The following ECT2 variants were observed in gnomAD, a reference collection of about 807,000 sequenced individuals.
The protein encoded by ECT2 is protein ECT2.
ECT2 carries 61 observed loss-of-function variants against 116.9 expected under a neutral mutation model. That is an observed-to-expected ratio of 0.52 (90% CI 0.42 to 0.65). The LOEUF is 0.65. Among genes scored for constraint, ECT2 ranks in the 30% least tolerant of loss-of-function variants. The pLI, the probability that ECT2 is intolerant of heterozygous loss-of-function variation, is 0.00. For missense variants in ECT2, 937 were observed against 1,078.7 expected (o/e 0.87, Z 1.84); for synonymous variants, 358 against 346.4 (o/e 1.03, Z -0.37).
chr3:172,758,929 G>T (rs1295720355), intron 5 of ECT2, 51 bp from the exon 6 acceptor site: 2 of 1,413,914 alleles, frequency 1.4e-6, no homozygotes. Flanking sequence ...AAGTTGTGTT[G>T]TATTTTCTAC....
intron 24 of ECT2, among the ~76,000 whole-genome samples, chr3:172,817,138 G>T (rs1178708915): frequency 1.3e-5 from 2 of 152,074 alleles, no homozygotes; most frequent in African/African-American, 4.8e-5. Flanking sequence ...GTGGCTAGTG[G>T]CTCCTGGAAG....
chr3:172,751,261 G>A (rs1479257086), intron 1 of ECT2: 1 of 152,252 alleles, frequency 6.6e-6, no homozygotes, highest in African/African-American at 2.4e-5. Context: ...TTCTTTGCGG[G>A]AAGTTTAATT....
At chr3:172,781,158 C>T (rs1303579722) in intron 14 of ECT2, among the ~76,000 whole-genome samples, 3 of 152,070 alleles carry the variant, frequency 2.0e-5, no homozygotes, top group African/African-American at 4.8e-5. Context: ...AATAATAGCT[C>T]ATTACATGGT....
At chr3:172,783,591 A>G (rs892503591) in intron 15 of ECT2, among the ~76,000 whole-genome samples, 1 of 152,038 alleles carries the variant, frequency 6.6e-6, no homozygotes, top group Non-Finnish European at 1.5e-5. Flanking sequence ...GTTTTAGACT[A>G]TGTATACCAA....
intron 18 of ECT2, among the ~76,000 whole-genome samples, chr3:172,792,465 T>TTA (rs71162312): frequency 1.3e-5 from 2 of 150,778 alleles, no homozygotes; most frequent in Non-Finnish European, 2.9e-5. Flanking sequence ...TTTTTTTTTT[T>TTA]ATACTCAGCA....
downstream of ECT2, chr3:172,821,606 A>G (rs1027469519): frequency 6.6e-6 from 1 of 151,732 alleles, no homozygotes; most frequent in South Asian, 2.1e-4. Context: ...ATTTTTGATC[A>G]TTTTATTTTA....
chr3:172,757,390 C>T (rs914501593), intron 5 of ECT2, among the ~76,000 whole-genome samples: 2 of 149,366 alleles, frequency 1.3e-5, no homozygotes, highest in African/African-American at 4.9e-5. Context: ...TGTACATATG[C>T]ATATACACAG....
chr3:172,774,425 C>T (rs975580126), intron 14 of ECT2, among the ~76,000 whole-genome samples: 2 of 152,108 alleles, frequency 1.3e-5, no homozygotes, highest in African/African-American at 4.8e-5. Context: ...TTTCGAACTC[C>T]TGACCTCAAG....
In ECT2 at chr3:172,786,510, G is replaced by A; in HGVS notation, c.1843G>A (p.Ala615Thr). ...LLLNDLKKHT[A>T]DENPDKSTLE... Reference sequence around the variant, plus strand: ...TATTACAGATCTTAAGAAGCATACAGCTGATGAAAATCCAGACAAAAGCAC... The same window carrying A: ...TATTACAGATCTTAAGAAGCATACAACTGATGAAAATCCAGACAAAAGCAC... The change falls in exon 18 of 25, where the codon GCT (alanine) becomes ACT (threonine). Residue 615 changes from alanine (A) to threonine (T), a missense_variant. Coordinates refer to ENST00000392692, the MANE Select transcript of ECT2 (RefSeq NM_001258315.2). 1 of 1,609,612 alleles carries A rather than the reference G, an allele frequency of 6.2e-7. No homozygotes were observed. Among genetic ancestry groups the A allele is most frequent in the South Asian group, 1.1e-5 (1 of 90,676 alleles).
At chr3:172,801,497 A>G (rs1726714931) in intron 18 of ECT2, among the ~76,000 whole-genome samples, 2 of 152,162 alleles carry the variant, frequency 1.3e-5, no homozygotes, top group Non-Finnish European at 2.9e-5. Context: ...TGTCTTCCCT[A>G]ACCTCGGATA....
At chr3:172,828,334 CTG>C in the ECT2 span, among the ~76,000 whole-genome samples, 1 of 150,150 alleles carries the variant, frequency 6.7e-6, no homozygotes. Context: ...TACCAACAGG[CTG>C]TGTGTGTGTG....
At chr3:172,772,250 G>A (rs1344837178) in intron 13 of ECT2, among the ~76,000 whole-genome samples, 1 of 150,268 alleles carries the variant, frequency 6.7e-6, no homozygotes, top group African/African-American at 2.5e-5. Flanking sequence ...ACTGAGTCTT[G>A]CTCTGTCGCC....
At chr3:172,766,872 T>C (rs1006320690) in intron 12 of ECT2, among the ~76,000 whole-genome samples, 2 of 151,884 alleles carry the variant, frequency 1.3e-5, no homozygotes, top group Admixed American at 1.3e-4. Context: ...CATAAAGGAC[T>C]GAAACTTGAA....
intron 22 of ECT2, among the ~76,000 whole-genome samples, chr3:172,811,109 CTTTTA>C (rs777629687): frequency 9.9e-5 from 15 of 151,900 alleles, no homozygotes; most frequent in Non-Finnish European, 1.9e-4. Flanking sequence ...ATCAATTTTA[CTTTTA>C]TTTTATTTTA....
chr3:172,783,061 G>A (rs780935434), intron 15 of ECT2, among the ~76,000 whole-genome samples: 9 of 152,044 alleles, frequency 5.9e-5, no homozygotes, highest in Non-Finnish European at 1.2e-4. Context: ...TTGCTGTCAT[G>A]TCTGTTTCTA....
intron 18 of ECT2, among the ~76,000 whole-genome samples, chr3:172,788,284 C>T (rs987535890): frequency 6.6e-6 from 1 of 152,146 alleles, no homozygotes; most frequent in African/African-American, 2.4e-5. Flanking sequence ...AAAAAGCCTC[C>T]TAAAATTGAA....
intron 23 of ECT2, among the ~76,000 whole-genome samples, chr3:172,816,392 G>C (rs375106812): frequency 2.6e-5 from 4 of 152,138 alleles, no homozygotes; most frequent in African/African-American, 9.6e-5. Context: ...GGAGGTTGAG[G>C]GGATTTTTGG....
intron 22 of ECT2, among the ~76,000 whole-genome samples, chr3:172,812,026 G>A (rs1022369827): frequency 1.4e-5 from 2 of 146,026 alleles, no homozygotes; most frequent in Non-Finnish European, 3.0e-5. Context: ...CTTCTGTTAC[G>A]CAGGCTGGAG....
At chr3:172,821,674 T>C (rs1242656286), downstream of ECT2, among the ~76,000 whole-genome samples, 1 of 151,904 alleles carries the variant, frequency 6.6e-6, no homozygotes, top group African/African-American at 2.4e-5. Context: ...GAAATGTAGA[T>C]AGTGAATCCT....
Sources: allele counts gnomAD v4.1 joint callset (sites outside exome capture counted in the v4.1 genomes callset), GRCh38; gene constraint gnomAD v4.1.1; transcripts MANE v1.5; gene names NCBI Gene and HGNC (gene_info 2026-07-23, HGNC 2026-07-21).